FUT8: variants seen among roughly 807,000 people sequenced by gnomAD.
FUT8 encodes the protein fucosyltransferase 8.
A neutral mutation model predicts 71.3 loss-of-function variants in FUT8; 29 were observed. That is an observed-to-expected ratio of 0.41 (90% confidence interval 0.30 to 0.55). FUT8 has a LOEUF of 0.55. FUT8 is among the 20% of genes least tolerant of loss of function. The pLI is 0.34. For missense variants in FUT8, 544 were observed against 702.1 expected, an observed-to-expected ratio of 0.77 and a Z score of 2.55; for synonymous variants, 254 against 239.3, an observed-to-expected ratio of 1.06 and a Z score of -0.57.
intron 6 of FUT8, among the ~76,000 whole-genome samples, chr14:65,661,116 C>G (rs185370695): frequency 1.3e-3 from 199 of 152,254 alleles, no homozygotes; most frequent in Non-Finnish European, 1.5e-3. Context: ...TAGGAGCTAT[C>G]TTTGACTTAA....
the FUT8 span, among the ~76,000 whole-genome samples, chr14:65,387,002 C>T: frequency 1.5e-4 from 23 of 151,976 alleles, no homozygotes; most frequent in South Asian, 4.2e-4. Context: ...CCATCACGCC[C>T]GGCTAATTTT....
At position 65,412,877 on chromosome 14, in the gene FUT8, C is replaced by T. The variant is rs2065157412; in HGVS notation, c.-663C>T. The T allele has an allele frequency of 6.3e-6, 1 of 158,222 alleles. No homozygotes were observed. The highest frequency in any genetic ancestry group is 1.4e-5 in the Non-Finnish European group (1 of 72,372). 9.8% of individuals were successfully genotyped at this position (158,222 alleles called of 1,614,324 possible). On this transcript the variant is annotated 5_prime_UTR_variant, in exon 1 of 11. Transcript: ENST00000673929. ...CCCCCTCCCCATCCCACCCCCGCCG[C>T]CTGGCCCCAGCCGACCCGTCCCTTC...
At chr14:65,536,074 C>CGA (rs1316397591) in intron 2 of FUT8, among the ~76,000 whole-genome samples, 2 of 152,020 alleles carry the variant, frequency 1.3e-5, no homozygotes, top group African/African-American at 2.4e-5. Context: ...GGCTTAAAAT[C>CGA]TGTTTTTTTC....
chr14:65,516,589 C>T (rs763588344), intron 2 of FUT8, among the ~76,000 whole-genome samples: 38 of 151,962 alleles, frequency 2.5e-4, no homozygotes, highest in Non-Finnish European at 4.9e-4. Context: ...ATATAAAACT[C>T]GGTAATTATT....
intron 2 of FUT8, among the ~76,000 whole-genome samples, chr14:65,527,988 C>T (rs1006959462): frequency 6.6e-5 from 10 of 152,286 alleles, no homozygotes; most frequent in East Asian, 1.9e-4. Context: ...TTAGGCTACT[C>T]GGGGGTCAGT....
chr14:65,382,134 C>A, the FUT8 span, among the ~76,000 whole-genome samples: 1 of 152,204 alleles, frequency 6.6e-6, no homozygotes, highest in Non-Finnish European at 1.5e-5. Context: ...CTCTTTGCTG[C>A]TTTTATCTGC....
At chr14:65,399,343 A>G in the FUT8 span, among the ~76,000 whole-genome samples, 4 of 152,188 alleles carry the variant, frequency 2.6e-5, no homozygotes, top group East Asian at 7.7e-4. Flanking sequence ...TTTGAATAGT[A>G]TTGCATAGGC....
chr14:65,707,789 G>A (rs562402389), intron 7 of FUT8, among the ~76,000 whole-genome samples: 73 of 152,148 alleles, frequency 4.8e-4, no homozygotes, highest in African/African-American at 1.6e-3. Context: ...TAAATACTTG[G>A]GTTTATTTCT....
chr14:65,592,358 A>G (rs942563444), intron 3 of FUT8, among the ~76,000 whole-genome samples: 6 of 151,878 alleles, frequency 4.0e-5, no homozygotes, highest in Middle Eastern at 3.2e-3. Context: ...TTCAAGCATA[A>G]GTGGCTTCCT....
rs573252137 is a variant in FUT8 at position 65,425,206 on chromosome 14, C to T, written c.-326+11992C>T. ...TTGAGACGGAGTTTCACTCTTGTTG[C>T]CCAGGCTGGAGTGCAATGGCACGAA... On this transcript the variant is annotated intron_variant, in intron 1 of 10. Coordinates refer to ENST00000673929, the MANE Select transcript of FUT8 (RefSeq NM_001371533.1). Among the ~76,000 whole-genome samples the T allele has an allele frequency of 3.9e-3, 595 of 150,876 alleles. 4 individuals are homozygous for T. Among genetic ancestry groups the T allele is most frequent in the African/African-American group, 0.014 (579 of 41,092 alleles).
In FUT8 at chr14:65,413,221, G is replaced by T. The variant is rs2065164012; in HGVS notation, c.-326+7G>T. ...GCCTCTGCTCCCGCCTGGGGTAAGG[G>T]GGCGTTTTGGGAGCCGGGCCCCGCG... is the stretch of plus-strand genomic sequence containing the variant. On this transcript the variant is annotated splice_region_variant and intron_variant, in intron 1 of 10. Coordinates refer to ENST00000673929, the MANE Select transcript of FUT8 (RefSeq NM_001371533.1). The surrounding 1 kb of genome is among the most constrained non-coding windows in gnomAD (Gnocchi z 4.1). 1 of 152,710 alleles carries T rather than the reference G, an allele frequency of 6.5e-6. No individual in the cohort carries two copies. The highest frequency in any genetic ancestry group is 2.4e-5 in the African/African-American group (1 of 41,472). 9.5% of individuals were successfully genotyped at this position (152,710 alleles called of 1,614,324 possible). A position where few individuals can be genotyped will look rare whatever the true frequency, so the allele number is the denominator to read the frequency against.
In FUT8 at chr14:65,478,149, G is replaced by A. The variant is rs533821407; in HGVS notation, c.-228+22431G>A. Among the ~76,000 whole-genome samples the A allele has an allele frequency of 6.4e-3, 975 of 152,154 alleles. 16 individuals are homozygous for A. The highest frequency in any genetic ancestry group is 0.022 in the African/African-American group (908 of 41,518). On this transcript the variant is annotated intron_variant, in intron 2 of 10. Transcript: ENST00000673929. ...AGAGAGCGTTCCCCCCTCTACCCCA[G>A]ATAGTATCTATCTTTGAGGTTTTGA...
intron 7 of FUT8, among the ~76,000 whole-genome samples, chr14:65,674,719 A>G (rs969904577): frequency 2.0e-5 from 3 of 152,184 alleles, no homozygotes; most frequent in African/African-American, 4.8e-5. Context: ...CTATCTCAAC[A>G]TACCTAAGAT....
intron 2 of FUT8, among the ~76,000 whole-genome samples, chr14:65,460,626 C>T (rs1490831348): frequency 1.3e-5 from 2 of 152,150 alleles, no homozygotes; most frequent in African/African-American, 4.8e-5. Flanking sequence ...CTGATGCTAG[C>T]TTACCAGCTA....
chr14:65,473,599 A>G (rs1311692503), intron 2 of FUT8, among the ~76,000 whole-genome samples: 1 of 152,238 alleles, frequency 6.6e-6, no homozygotes, highest in African/African-American at 2.4e-5. Flanking sequence ...CATACTTAGG[A>G]TGTAAATTGA....
At chr14:65,666,066 AC>A (rs1225943414) in intron 6 of FUT8, among the ~76,000 whole-genome samples, 1 of 152,082 alleles carries the variant, frequency 6.6e-6, no homozygotes, top group East Asian at 1.9e-4. Context: ...CTACACGTGT[AC>A]CCTTAAACTT....
chr14:65,417,605 T>C (rs1201115669), intron 1 of FUT8, among the ~76,000 whole-genome samples: 2 of 152,204 alleles, frequency 1.3e-5, no homozygotes, highest in Non-Finnish European at 2.9e-5. Flanking sequence ...TTAAATTTTC[T>C]TACCCATCTA....
At chr14:65,562,804 A>T (rs1885984658) in intron 3 of FUT8, among the ~76,000 whole-genome samples, 1 of 152,052 alleles carries the variant, frequency 6.6e-6, no homozygotes, top group East Asian at 1.9e-4. Context: ...ATAGTTGGGG[A>T]AGAATAGTGG....
At chr14:65,405,734 ACTT>A (rs1483974706), upstream of FUT8, among the ~76,000 whole-genome samples, 5 of 152,228 alleles carry the variant, frequency 3.3e-5, no homozygotes, top group Non-Finnish European at 7.3e-5. Flanking sequence ...GTATAAGGAT[ACTT>A]CTGTCTTCTC....
Sources: gnomAD v4.1 joint callset for allele counts (sites outside exome capture counted in the v4.1 genomes callset) on GRCh38, gnomAD v4.1.1 for gene constraint, Gnocchi (gnomAD v3.1) non-coding constraint, MANE v1.5 for transcripts, NCBI Gene and HGNC (gene_info 2026-07-23, HGNC 2026-07-21) for gene names.